The following SGMS1 variants were observed in gnomAD, a reference collection of about 807,000 sequenced individuals.
The protein encoded by SGMS1 is phosphatidylcholine:ceramide cholinephosphotransferase 1.
SGMS1 carries 13 observed loss-of-function variants against 46.2 expected under a neutral mutation model. That is an observed-to-expected ratio of 0.28 (90% confidence interval 0.18 to 0.45). SGMS1 has a LOEUF of 0.45. SGMS1 is among the 20% of genes least tolerant of loss of function. SGMS1 has a pLI of 1.00. For synonymous variants in SGMS1, 203 were observed against 187.8 expected (o/e 1.08, Z -0.66); for missense variants, 324 against 519.9 (o/e 0.62, Z 3.66).
intron 6 of SGMS1, among the ~76,000 whole-genome samples, chr10:50,396,854 C>T (rs1407405359): frequency 6.6e-6 from 1 of 152,166 alleles, no homozygotes; most frequent in African/African-American, 2.4e-5. Context: ...GTCCCCTCCC[C>T]TCAATGCATC....
In SGMS1 at chr10:50,395,078, G is replaced by C. The variant is rs141197864; in HGVS notation, c.-232+38398C>G. Among the ~76,000 whole-genome samples, 13 of 152,192 alleles carry C rather than the reference G, an allele frequency of 8.5e-5. 1 individual carries two copies. The East Asian group carries it at 2.3e-3, about 27-fold the overall frequency. On this transcript the variant is annotated intron_variant, in intron 6 of 10. Coordinates refer to ENST00000361781, the MANE Select transcript of SGMS1 (RefSeq NM_147156.4). The stretch of plus-strand genomic sequence containing the variant: ...TCTAACAAGCTTGTCCCTTTAACAA[G>C]AGCAACATCAAGCCCCTGAGGGTGA...
rs1021189553 is a variant in SGMS1 at position 50,511,635 on chromosome 10, C to G, written c.-498+8196G>C. Among the ~76,000 whole-genome samples the G allele has an allele frequency of 6.6e-5, 10 of 152,256 alleles. No homozygotes were observed. The South Asian group carries it at 1.5e-3, about 22-fold the overall frequency. ...AGGCCTATTTCTGCCTTAAAAGGTT[C>G]TTTGCAACCACCTGCCACAGTGAGC... On this transcript the variant is annotated intron_variant, in intron 3 of 10. Transcript: ENST00000361781.
intron 2 of SGMS1, among the ~76,000 whole-genome samples, chr10:50,559,288 C>T (rs560714245): frequency 6.6e-6 from 1 of 152,310 alleles, no homozygotes; most frequent in South Asian, 2.1e-4. Flanking sequence ...AAACCACCAA[C>T]CATACAACCA....
intron 3 of SGMS1, among the ~76,000 whole-genome samples, chr10:50,498,751 T>G (rs1004811607): frequency 6.6e-6 from 1 of 152,222 alleles, no homozygotes; most frequent in Non-Finnish European, 1.5e-5. Context: ...TTGGTTATTA[T>G]GAATAATGCT....
chr10:50,334,074 CT>C (rs1293124050), intron 7 of SGMS1, among the ~76,000 whole-genome samples: 1 of 152,094 alleles, frequency 6.6e-6, no homozygotes, highest in African/African-American at 2.4e-5. Context: ...ATCAGCTGCT[CT>C]TTTTGCTAAT....
At chr10:50,547,311 G>A (rs1469727990) in intron 2 of SGMS1, among the ~76,000 whole-genome samples, 3 of 152,046 alleles carry the variant, frequency 2.0e-5, no homozygotes, top group Non-Finnish European at 4.4e-5. Context: ...GCATAAAAAA[G>A]AAGATAAAAG....
intron 7 of SGMS1, chr10:50,335,121 A>T (rs1406245397): frequency 6.6e-6 from 1 of 152,264 alleles, no homozygotes; most frequent in Non-Finnish European, 1.5e-5. Flanking sequence ...AGGAAGCAAG[A>T]CCAGGTAATA....
At chr10:50,508,535 A>G (rs1251914171) in intron 3 of SGMS1, among the ~76,000 whole-genome samples, 1 of 152,188 alleles carries the variant, frequency 6.6e-6, no homozygotes, top group East Asian at 1.9e-4. Flanking sequence ...ATAGATTACT[A>G]TGGCCCCCTT....
At chr10:50,570,737 C>T (rs1838329974) in intron 2 of SGMS1, among the ~76,000 whole-genome samples, 2 of 152,144 alleles carry the variant, frequency 1.3e-5, no homozygotes, top group Admixed American at 1.3e-4. Flanking sequence ...GACTTTGAGA[C>T]CAGCCTAAGC....
chr10:50,610,625 T>C (rs369074423), intron 1 of SGMS1, among the ~76,000 whole-genome samples: 4 of 152,298 alleles, frequency 2.6e-5, no homozygotes, highest in South Asian at 4.1e-4. Context: ...CTTGGAACTT[T>C]GTAGAGCCTT....
At chr10:50,523,141 CA>C (rs2133791823) in intron 2 of SGMS1, among the ~76,000 whole-genome samples, 1 of 152,268 alleles carries the variant, frequency 6.6e-6, no homozygotes, top group East Asian at 1.9e-4. Context: ...GCCTGAAAAC[CA>C]CAGCCTCATA....
chr10:50,375,514 A>G (rs542004169), intron 6 of SGMS1, among the ~76,000 whole-genome samples: 9 of 152,290 alleles, frequency 5.9e-5, no homozygotes, highest in African/African-American at 2.2e-4. Flanking sequence ...GCCAAGGCAC[A>G]AATCTTGAGA....
At chr10:50,325,647 C>G (rs1847518911) in intron 8 of SGMS1, among the ~76,000 whole-genome samples, 1 of 152,218 alleles carries the variant, frequency 6.6e-6, no homozygotes, top group Non-Finnish European at 1.5e-5. Context: ...TTGCCAGCAA[C>G]TGGCGGAGCT....
intron 1 of SGMS1, among the ~76,000 whole-genome samples, chr10:50,596,219 C>T (rs1349371919): frequency 6.6e-6 from 1 of 150,634 alleles, no homozygotes; most frequent in Non-Finnish European, 1.5e-5. Flanking sequence ...TCTTGTTGCC[C>T]AGGCTGAAGT....
intron 6 of SGMS1, among the ~76,000 whole-genome samples, chr10:50,396,978 G>A (rs150609632): frequency 2.6e-5 from 4 of 152,144 alleles, no homozygotes; most frequent in African/African-American, 7.2e-5. Context: ...GCTCAAGTAC[G>A]GGACACTCAA....
chr10:50,356,285 G>A (rs951551102), intron 6 of SGMS1, among the ~76,000 whole-genome samples: 6 of 152,122 alleles, frequency 3.9e-5, no homozygotes, highest in Non-Finnish European at 5.9e-5. Flanking sequence ...TGAAACATGT[G>A]CTGTGTCCAC....
At chr10:50,503,184 A>G (rs2133759947) in intron 3 of SGMS1, among the ~76,000 whole-genome samples, 1 of 152,308 alleles carries the variant, frequency 6.6e-6, no homozygotes, top group East Asian at 1.9e-4. Flanking sequence ...TTCCCTTGTC[A>G]CTGATGGGGA....
At chr10:50,534,207 GGAAA>G (rs142412797) in intron 2 of SGMS1, among the ~76,000 whole-genome samples, 2 of 152,206 alleles carry the variant, frequency 1.3e-5, no homozygotes, top group East Asian at 3.9e-4. Context: ...GGATGGAAAG[GGAAA>G]GAGAGAGGAG....
intron 2 of SGMS1, among the ~76,000 whole-genome samples, chr10:50,553,683 A>G (rs952896869): frequency 2.6e-5 from 4 of 152,290 alleles, no homozygotes; most frequent in African/African-American, 9.6e-5. Context: ...TATCTGACTC[A>G]ATAAACTATG....
Sources: gnomAD v4.1 joint callset for allele counts (sites outside exome capture counted in the v4.1 genomes callset) on GRCh38, gnomAD v4.1.1 for gene constraint, MANE v1.5 for transcripts, NCBI Gene and HGNC (gene_info 2026-07-23, HGNC 2026-07-21) for gene names.